RFX8: variants seen among roughly 807,000 people sequenced by gnomAD.
RFX8 encodes the protein regulatory factor X8, also known as DNA-binding protein RFX8.
RFX8 carries 46 observed loss-of-function variants against 54.6 expected under a neutral mutation model. The ratio of observed to expected loss-of-function variants is 0.84; its 90% CI spans 0.67 to 1.08. The LOEUF (loss-of-function observed/expected upper bound fraction) is 1.08. Among genes scored for constraint, RFX8 ranks in the 50% least tolerant of loss-of-function variants. The probability of loss-of-function intolerance (pLI) is 0.00; values close to 1 mark genes in which losing one functional copy is unlikely to be tolerated. For missense variants in RFX8, 536 were observed against 562.3 expected (o/e 0.95, Z 0.47); for synonymous variants, 192 against 209.5 (o/e 0.92, Z 0.72).
chr2:101,421,799 A>G lies in RFX8; in HGVS notation c.184-22T>C, dbSNP rs369488462. ...CCATCTAGGAAGAATATGGAAAATT[A>G]TTTCAGCATGTGGGCCTTTTCAATA... On this transcript the variant is annotated intron_variant, in intron 3 of 11. Coordinates refer to ENST00000428343, the MANE Select transcript of RFX8 (RefSeq NM_001145664.2). 2.0e-6 allele frequency: 3 copies of G among 1,528,516 alleles called. No individual in the cohort carries two copies. The African/African-American group carries it at 4.1e-5, about 21-fold the overall frequency. 94.7% of individuals were successfully genotyped at this position (1,528,516 alleles called of 1,614,324 possible).
intron 1 of RFX8, chr2:101,474,155 C>A (rs1047220647): frequency 1.7e-6 from 1 of 599,492 alleles, no homozygotes; most frequent in Non-Finnish European, 3.0e-6. Context: ...TTCCCCTCCC[C>A]GGCCCCACCT....
intron 2 of RFX8, among the ~76,000 whole-genome samples, chr2:101,440,540 G>T (rs1199260380): frequency 2.0e-5 from 3 of 152,206 alleles, no homozygotes; most frequent in Non-Finnish European, 4.4e-5. Context: ...GCATTTCATT[G>T]CTGGGGGAGG....
intron 2 of RFX8, among the ~76,000 whole-genome samples, chr2:101,455,823 C>T (rs912951263): frequency 2.6e-5 from 4 of 152,250 alleles, no homozygotes; most frequent in Admixed American, 1.3e-4. Context: ...GCCATTTTCA[C>T]GATATTGATT....
chr2:101,472,140 G>C (rs908627056), intron 1 of RFX8, among the ~76,000 whole-genome samples: 1 of 152,086 alleles, frequency 6.6e-6, no homozygotes, highest in Non-Finnish European at 1.5e-5. Context: ...CACTCTTGTC[G>C]CCCACGCTGA....
intron 9 of RFX8, among the ~76,000 whole-genome samples, chr2:101,408,678 G>C (rs150984061): frequency 1.0e-3 from 154 of 152,306 alleles, no homozygotes; most frequent in African/African-American, 3.5e-3. Flanking sequence ...TCAACAGGAG[G>C]AATAAAAACC....
In RFX8 at chr2:101,472,068, G is replaced by A. The variant is rs958959248; in HGVS notation, c.-53+2568C>T. Among the ~76,000 whole-genome samples, 129 of 152,246 alleles carry A rather than the reference G, an allele frequency of 8.5e-4. 2 individuals carry two copies. The highest frequency in any genetic ancestry group is 3.1e-3 in the African/African-American group (129 of 41,554). ...ACCAGAGGCTGTTCTTGATGTTGAC[G>A]TTAAAACCACTAGTACCAACGATCT... is the stretch of plus-strand genomic sequence containing the variant. On this transcript the variant is annotated intron_variant, in intron 1 of 11. Coordinates refer to ENST00000428343, the MANE Select transcript of RFX8 (RefSeq NM_001145664.2).
intron 2 of RFX8, among the ~76,000 whole-genome samples, chr2:101,452,861 C>T (rs1688760975): frequency 6.6e-6 from 1 of 152,086 alleles, no homozygotes; most frequent in Non-Finnish European, 1.5e-5. Context: ...AATCCCAGCA[C>T]TTTGGGAGGC....
At chr2:101,454,493 A>G (rs7594460) in intron 2 of RFX8, among the ~76,000 whole-genome samples, 52,494 of 152,080 alleles carry the variant, frequency 0.35, 9,729 homozygotes, top group African/African-American at 0.44. Context: ...CAATGGTTGA[A>G]CTAATATACA....
At chr2:101,466,064 G>A (rs928824043) in intron 2 of RFX8, among the ~76,000 whole-genome samples, 20 of 152,146 alleles carry the variant, frequency 1.3e-4, no homozygotes, top group Admixed American at 6.6e-4. Flanking sequence ...TTGGAAGAAC[G>A]GATCTAATCA....
At chr2:101,428,977 G>C (rs1377958546) in intron 2 of RFX8, 4 of 1,531,748 alleles carry the variant, frequency 2.6e-6, no homozygotes, top group African/African-American at 2.7e-5. Flanking sequence ...GTTGGATAAT[G>C]CTGTTATAAT....
At chr2:101,402,857 G>A (rs1685525614) in intron 10 of RFX8, 105 bp from the exon 11 acceptor site, 2 of 1,035,714 alleles carry the variant, frequency 1.9e-6, no homozygotes, top group Admixed American at 2.6e-5. Context: ...GTGTACGTGA[G>A]CCTCGTTCCA....
chr2:101,410,987 G>A (rs1158436518), intron 8 of RFX8, among the ~76,000 whole-genome samples: 1 of 152,168 alleles, frequency 6.6e-6, no homozygotes, highest in Non-Finnish European at 1.5e-5. Flanking sequence ...ACTACACCTT[G>A]CAATTATCCA....
chr2:101,461,575 G>T (rs1421667355), intron 2 of RFX8, among the ~76,000 whole-genome samples: 1 of 152,114 alleles, frequency 6.6e-6, no homozygotes, highest in Non-Finnish European at 1.5e-5. Context: ...GAAGTAAAGT[G>T]CCTGATTGTC....
Position 101,422,371 on chromosome 2 carries a change from G to A in RFX8, c.174C>T (p.Ser58=), listed in dbSNP as rs1438319048. Residue 58 remains serine, a synonymous_variant, in exon 3 of 12, where the codon TCC becomes TCT. Coordinates refer to ENST00000428343, the MANE Select transcript of RFX8 (RefSeq NM_001145664.2). ...FLEQEQAKKY[S]CNMMAFLADE... ...ATGAGTGCAAACCTACCATATTACA[G>A]GAGTATTTCTTTGCCTGTTCTTGCT... 14 of 1,496,594 alleles carry A rather than the reference G, an allele frequency of 9.4e-6. No homozygotes were observed. Among genetic ancestry groups the A allele is most frequent in the Non-Finnish European group, 1.2e-5 (13 of 1,096,548 alleles). 92.7% of individuals were successfully genotyped at this position (1,496,594 alleles called of 1,614,324 possible).
intron 11 of RFX8, among the ~76,000 whole-genome samples, chr2:101,399,892 T>A (rs578229654): frequency 6.6e-6 from 1 of 152,142 alleles, no homozygotes; most frequent in Non-Finnish European, 1.5e-5. Context: ...TTAAAGCAGA[T>A]GGTAGAAAAC....
chr2:101,432,961 C>A (rs1411270494), intron 2 of RFX8, among the ~76,000 whole-genome samples: 1 of 152,154 alleles, frequency 6.6e-6, no homozygotes, highest in East Asian at 1.9e-4. Context: ...TTAGTGACTG[C>A]TCCTCAGGGC....
Position 101,466,758 on chromosome 2 carries a change from T to A in RFX8, c.72+19A>T, listed in dbSNP as rs1383309735. 1 of 1,534,204 alleles carries A rather than the reference T, an allele frequency of 6.5e-7. No individual in the cohort carries two copies. On this transcript the variant is annotated intron_variant, in intron 2 of 11. Transcript: ENST00000428343. ...TTTGCACTCAGTGAATAGAGCGTTC[T>A]TAATCTTCAACAACTTACCTTCCCA...
intron 5 of RFX8, 94 bp from the exon 6 acceptor site, chr2:101,417,778 A>G (rs1028914038): frequency 9.3e-7 from 1 of 1,074,792 alleles, no homozygotes. Flanking sequence ...GGTCTCAAGA[A>G]GTCTGAGAGC....
chr2:101,403,224 G>A (rs181265818), intron 10 of RFX8, among the ~76,000 whole-genome samples: 2 of 151,856 alleles, frequency 1.3e-5, no homozygotes, highest in Non-Finnish European at 2.9e-5. Flanking sequence ...TGTGGCTGCA[G>A]CTCTTTGTGT....
Sources: gnomAD v4.1 joint callset for allele counts (sites outside exome capture counted in the v4.1 genomes callset) on GRCh38, gnomAD v4.1.1 for gene constraint, MANE v1.5 for transcripts, NCBI Gene and HGNC (gene_info 2026-07-23, HGNC 2026-07-21) for gene names.